MPHOSPH9: variants seen among roughly 807,000 people sequenced by gnomAD.
MPHOSPH9 encodes M-phase phosphoprotein 9.
In MPHOSPH9, 88 loss-of-function variants were observed where a neutral mutation model predicts 145.5. The ratio of observed to expected loss-of-function variants is 0.60; its 90% CI spans 0.51 to 0.72. MPHOSPH9 has a LOEUF of 0.72. Among genes scored for constraint, MPHOSPH9 ranks in the 30% least tolerant of loss-of-function variants. The probability of loss-of-function intolerance (pLI) is 0.00; values close to 1 mark genes in which losing one functional copy is unlikely to be tolerated. For missense variants in MPHOSPH9, 1,238 were observed against 1,386.6 expected (o/e 0.89, Z 1.70); for synonymous variants, 435 against 486.2 (o/e 0.89, Z 1.39).
intron 3 of MPHOSPH9, among the ~76,000 whole-genome samples, chr12:123,223,900 C>T (rs2047320339): frequency 2.0e-5 from 3 of 151,914 alleles, no homozygotes; most frequent in Non-Finnish European, 1.5e-5. Flanking sequence ...AATAATATCT[C>T]ATAGATGGCT....
intron 3 of MPHOSPH9, among the ~76,000 whole-genome samples, chr12:123,223,784 G>A (rs905568224): frequency 3.3e-5 from 5 of 152,002 alleles, no homozygotes; most frequent in Admixed American, 2.0e-4. Context: ...TGTGAACTCT[G>A]TCTCCTACCC....
At chr12:123,162,967 A>G in intron 20 of MPHOSPH9, 47 bp downstream of exon 20, 1 of 1,486,890 alleles carries the variant, frequency 6.7e-7, no homozygotes, top group Non-Finnish European at 8.9e-7. Flanking sequence ...ATTTAGAAAA[A>G]AATCACTAAT....
chr12:123,152,354 G>A, downstream of MPHOSPH9: 1 of 334,004 alleles, frequency 3.0e-6, no homozygotes, highest in South Asian at 2.3e-5. Flanking sequence ...TTGAGTGCCT[G>A]TAGTGCAAGA....
intron 2 of MPHOSPH9, among the ~76,000 whole-genome samples, chr12:123,228,211 G>A (rs2047501781): frequency 6.6e-6 from 1 of 151,942 alleles, no homozygotes; most frequent in African/African-American, 2.4e-5. Context: ...AAGTTATTTC[G>A]GATTTGTTTT....
At chr12:123,194,744 C>T (rs537027137) in intron 12 of MPHOSPH9, 143 bp from the exon 13 acceptor site, 2 of 572,850 alleles carry the variant, frequency 3.5e-6, no homozygotes, top group African/African-American at 1.9e-5. Context: ...GCCTCAGCCT[C>T]CCGAGAGCTG....
chr12:123,237,002 T>C (rs1156813101), upstream of MPHOSPH9, among the ~76,000 whole-genome samples: 1 of 152,010 alleles, frequency 6.6e-6, no homozygotes, highest in Non-Finnish European at 1.5e-5. Context: ...GGAGAATTGC[T>C]TGAATCTGGA....
chr12:123,243,031 G>A (rs548762346), intron 1 of MPHOSPH9, among the ~76,000 whole-genome samples: 3 of 152,298 alleles, frequency 2.0e-5, no homozygotes, highest in South Asian at 4.1e-4. Context: ...TCAATCTTTC[G>A]TAGGTAAGGT....
intron 5 of MPHOSPH9, 108 bp downstream of exon 5, chr12:123,221,264 A>G: frequency 1.1e-6 from 1 of 905,340 alleles, no homozygotes; most frequent in Non-Finnish European, 1.7e-6. Context: ...TCTACAGGCA[A>G]TGAACTGATA....
intron 12 of MPHOSPH9, among the ~76,000 whole-genome samples, chr12:123,197,779 C>A (rs1267017300): frequency 7.6e-6 from 1 of 132,264 alleles, no homozygotes; most frequent in East Asian, 2.3e-4. Flanking sequence ...GAGACTCCAT[C>A]TCAAAAAAAA....
In MPHOSPH9 at chr12:123,223,163, T is replaced by C. The variant is rs554044650; in HGVS notation, c.259-36A>G. 21 of 1,244,862 alleles carry C rather than the reference T, an allele frequency of 1.7e-5. No homozygotes were observed. The East Asian group carries it at 6.3e-4, about 37-fold the overall frequency. 77.1% of individuals were successfully genotyped at this position (1,244,862 alleles called of 1,614,324 possible). A position where few individuals can be genotyped will look rare whatever the true frequency, so the allele number is the denominator to read the frequency against. ...ATAAAATATTTTAGTTAAAAATAAT[T>C]TTTTGACTTAACATTTCACAGAACA... is the stretch of plus-strand genomic sequence containing the variant. On this transcript the variant is annotated intron_variant, in intron 3 of 23. Coordinates refer to ENST00000606320, the MANE Select transcript of MPHOSPH9 (RefSeq NM_022782.4).
chr12:123,197,952 A>T (rs1182990871), intron 12 of MPHOSPH9, among the ~76,000 whole-genome samples: 4 of 148,314 alleles, frequency 2.7e-5, no homozygotes, highest in Non-Finnish European at 6.0e-5. Context: ...GGCGTGGTGG[A>T]GGGCGCCTGT....
chr12:123,182,266 T>C (rs200936541), intron 13 of MPHOSPH9, among the ~76,000 whole-genome samples: 3 of 88,822 alleles, frequency 3.4e-5, no homozygotes, highest in Non-Finnish European at 6.1e-5. Flanking sequence ...TTTTTGTTTT[T>C]TTTTTTTGAT....
chr12:123,161,259 GCTAA>G lies in MPHOSPH9; in HGVS notation c.3254_3257del (p.Val1085AlafsTer26). 1 of 1,614,078 alleles carries G rather than the reference GCTAA, an allele frequency of 6.2e-7. No individual in the cohort carries two copies. Among genetic ancestry groups the G allele is most frequent in the Non-Finnish European group, 8.5e-7 (1 of 1,180,004 alleles). ...CTGAAACCGGCTTACACTGTTCGTA[GCTAA>G]CTGATTTATTCTTCTCCCAGGCTGT... On this transcript the variant is annotated frameshift_variant, in exon 22 of 24. Coordinates refer to ENST00000606320, the MANE Select transcript of MPHOSPH9 (RefSeq NM_022782.4). LOFTEE classifies it high-confidence loss of function.
intron 15 of MPHOSPH9, among the ~76,000 whole-genome samples, chr12:123,178,330 A>G (rs2044975154): frequency 6.6e-6 from 1 of 152,242 alleles, no homozygotes; most frequent in Admixed American, 6.5e-5. Flanking sequence ...TAACAATCTG[A>G]TAAGAAAGCT....
At chr12:123,202,529 G>C in intron 10 of MPHOSPH9, 95 bp downstream of exon 10, 1 of 1,313,574 alleles carries the variant, frequency 7.6e-7, no homozygotes, top group Non-Finnish European at 1.0e-6. Flanking sequence ...AAATCTCTAA[G>C]ACTTTATGCA....
At chr12:123,198,948 C>T (rs778445189) in intron 11 of MPHOSPH9, among the ~76,000 whole-genome samples, 4 of 148,042 alleles carry the variant, frequency 2.7e-5, no homozygotes, top group Non-Finnish European at 4.4e-5. Context: ...TGGAAAAATG[C>T]AAAAAATTAA....
At chr12:123,200,810 C>A (rs1322669078) in intron 11 of MPHOSPH9, among the ~76,000 whole-genome samples, 1 of 151,956 alleles carries the variant, frequency 6.6e-6, no homozygotes, top group East Asian at 1.9e-4. Flanking sequence ...AGGTGCGCAC[C>A]ACCACATCCA....
intron 1 of MPHOSPH9, among the ~76,000 whole-genome samples, chr12:123,238,897 C>G (rs946907305): frequency 3.3e-5 from 5 of 152,126 alleles, no homozygotes; most frequent in African/African-American, 1.2e-4. Flanking sequence ...ACATGTGGCC[C>G]AAACTGAGAT....
At chr12:123,196,078 T>C (rs2045930822) in intron 12 of MPHOSPH9, among the ~76,000 whole-genome samples, 1 of 148,990 alleles carries the variant, frequency 6.7e-6, no homozygotes, top group Non-Finnish European at 1.5e-5. Flanking sequence ...TAAAACAAAA[T>C]ACGCTGGGTG....
Sources: gnomAD v4.1 joint callset for allele counts (sites outside exome capture counted in the v4.1 genomes callset) on GRCh38, gnomAD v4.1.1 for gene constraint, MANE v1.5 for transcripts, NCBI Gene and HGNC (gene_info 2026-07-23, HGNC 2026-07-21) for gene names.